The following SESN1 variants were observed in gnomAD, a reference collection of about 807,000 sequenced individuals.
SESN1 encodes the protein sestrin-1.
Under a neutral mutation model 59.3 loss-of-function variants are expected in SESN1, and 30 were observed. The ratio of observed to expected loss-of-function variants is 0.51; its 90% CI spans 0.38 to 0.69. SESN1 has a LOEUF of 0.69. Ranked by LOEUF, SESN1 falls within the 30% of genes least tolerant of loss-of-function variation. SESN1 has a pLI of 0.00. For missense variants in SESN1, 566 were observed against 673.0 expected (o/e 0.84, Z 1.76); for synonymous variants, 197 against 219.9 (o/e 0.90, Z 0.92).
At chr6:108,996,075 C>T (rs1177969715) in intron 5 of SESN1, among the ~76,000 whole-genome samples, 1 of 152,160 alleles carries the variant, frequency 6.6e-6, no homozygotes, top group South Asian at 2.1e-4. Context: ...GCTCCCTTCC[C>T]AGACCAAACC....
At chr6:109,070,263 A>G (rs1780908507) in intron 1 of SESN1, among the ~76,000 whole-genome samples, 1 of 152,208 alleles carries the variant, frequency 6.6e-6, no homozygotes, top group Non-Finnish European at 1.5e-5. Flanking sequence ...TGAAGTCCAC[A>G]GGACTAGGGC....
chr6:109,026,222 A>T (rs1780090332), intron 1 of SESN1, among the ~76,000 whole-genome samples: 1 of 152,212 alleles, frequency 6.6e-6, no homozygotes, highest in Non-Finnish European at 1.5e-5. Context: ...AACACATTTT[A>T]AGAGACAAAA....
At chr6:109,013,594 T>C (rs1290462802) in intron 1 of SESN1, among the ~76,000 whole-genome samples, 1 of 152,230 alleles carries the variant, frequency 6.6e-6, no homozygotes, top group African/African-American at 2.4e-5. Flanking sequence ...TAATCATACT[T>C]TTATGGACCA....
chr6:109,077,503 T>C (rs927775989), intron 1 of SESN1, among the ~76,000 whole-genome samples: 4 of 152,196 alleles, frequency 2.6e-5, no homozygotes, highest in African/African-American at 9.6e-5. Context: ...CAGATAGTTG[T>C]GTAAACTCAT....
rs762678191 is a variant in SESN1 at position 109,094,209 on chromosome 6, C to T, written c.-136G>A. ...GTCATGAAAACACACATCTGGGTGA[C>T]ATTTGGAACCACTGGTGCCTTCAGC... On this transcript the variant is annotated 5_prime_UTR_variant, in exon 1 of 10. The change abolishes an upstream ATG in the 5' untranslated region. Transcript: ENST00000436639. 32 of 955,116 alleles carry T rather than the reference C, an allele frequency of 3.4e-5. No homozygotes were observed. The highest frequency in any genetic ancestry group is 4.6e-5 in the Non-Finnish European group (30 of 651,266). The allele number at this position is 955,116 out of a possible 1,614,324, so 59.2% of individuals were successfully genotyped here. A position where few individuals can be genotyped will look rare whatever the true frequency, so the allele number is the denominator to read the frequency against.
intron 1 of SESN1, among the ~76,000 whole-genome samples, chr6:109,060,242 T>G (rs543439245): frequency 1.3e-5 from 2 of 152,208 alleles, no homozygotes; most frequent in East Asian, 3.8e-4. Context: ...CTAGAATAGA[T>G]TCTAAAAAAT....
intron 1 of SESN1, among the ~76,000 whole-genome samples, chr6:109,005,190 T>C (rs1327852955): frequency 6.6e-6 from 1 of 152,202 alleles, no homozygotes; most frequent in African/African-American, 2.4e-5. Context: ...TAGAAGGCTG[T>C]TTCAATAAAG....
chr6:109,093,766 A>G, intron 1 of SESN1, 29 bp downstream of exon 1: 1 of 1,601,858 alleles, frequency 6.2e-7, no homozygotes, highest in Non-Finnish European at 8.5e-7. Context: ...TAGTAGAGAC[A>G]TAGTTGTATT....
intron 4 of SESN1, chr6:109,000,083 G>C (rs930461776): frequency 6.5e-6 from 1 of 153,232 alleles, no homozygotes; most frequent in Non-Finnish European, 1.5e-5. Flanking sequence ...TTCTGGAAAA[G>C]GCAAAACTAT....
intron 2 of SESN1, 81 bp from the exon 3 acceptor site, chr6:109,001,569 AG>A: frequency 8.4e-7 from 1 of 1,196,054 alleles, no homozygotes; most frequent in African/African-American, 1.5e-5. Context: ...CTACACTCTA[AG>A]TATCATTTAG....
chr6:109,065,082 C>T (rs544615886), intron 1 of SESN1, among the ~76,000 whole-genome samples: 1 of 152,128 alleles, frequency 6.6e-6, no homozygotes, highest in African/African-American at 2.4e-5. Context: ...CACTTATTTC[C>T]AATCCCTCTC....
At chr6:109,000,112 T>C (rs1562455581) in intron 4 of SESN1, 1 of 154,766 alleles carries the variant, frequency 6.5e-6, no homozygotes, top group South Asian at 2.1e-4. Context: ...AATAAAAAGA[T>C]GAGTGGTTGC....
rs373238799 is a variant in SESN1 at position 109,059,096 on chromosome 6, TACAC to T, written c.279+34695_279+34698del. 1.3e-4 allele frequency among the ~76,000 whole-genome samples: 20 copies of T among 149,812 alleles called. No homozygotes were observed. In the East Asian group the frequency reaches 1.4e-3, roughly 10 times the overall value. Reference sequence around the variant, plus strand: ...ATGTAACTCCATATATATCACTTCATACACACACACACACACACACATAATTTAC... The same window carrying T: ...ATGTAACTCCATATATATCACTTCATACACACACACACACACATAATTTAC... On this transcript the variant is annotated intron_variant, in intron 1 of 9. Transcript: ENST00000436639.
Position 108,987,506 on chromosome 6 carries a change from C to A in SESN1, c.*38G>T. 1 of 1,167,002 alleles carries A rather than the reference C, an allele frequency of 8.6e-7. No individual in the cohort carries two copies. The allele number at this position is 1,167,002 out of a possible 1,614,324, so 72.3% of individuals were successfully genotyped here. On this transcript the variant is annotated 3_prime_UTR_variant, in exon 10 of 10. Transcript: ENST00000436639. ...CCTTCCCCCTTGTAGACTATATCTG[C>A]TGATCATTCCAGAATCATCTTTAAT...
At chr6:109,004,568 C>T (rs998114992) in intron 1 of SESN1, among the ~76,000 whole-genome samples, 1 of 151,788 alleles carries the variant, frequency 6.6e-6, no homozygotes, top group Non-Finnish European at 1.5e-5. Context: ...GTAGCTAGGA[C>T]CACAGGCGTG....
At chr6:108,994,828 G>A (rs1057160221) in intron 5 of SESN1, among the ~76,000 whole-genome samples, 12 of 149,604 alleles carry the variant, frequency 8.0e-5, no homozygotes, top group African/African-American at 3.0e-4. Flanking sequence ...TCGGCCTCCC[G>A]AGTAGCTGGG....
At chr6:109,015,076 A>G (rs1400005835) in intron 1 of SESN1, among the ~76,000 whole-genome samples, 1 of 152,164 alleles carries the variant, frequency 6.6e-6, no homozygotes. Flanking sequence ...CCATTAAAAA[A>G]TTGTTTAAGC....
chr6:109,008,454 T>G (rs559244653), intron 1 of SESN1, among the ~76,000 whole-genome samples: 9 of 152,350 alleles, frequency 5.9e-5, no homozygotes, highest in African/African-American at 2.2e-4. Context: ...AAAAAAATAT[T>G]TGGTGCTTTA....
At chr6:109,042,454 C>G (rs1287109876) in intron 1 of SESN1, among the ~76,000 whole-genome samples, 1 of 150,874 alleles carries the variant, frequency 6.6e-6, no homozygotes, top group African/African-American at 2.4e-5. Context: ...TGAAAAACCT[C>G]TAGCAAGACT....
Sources: allele counts gnomAD v4.1 joint callset (sites outside exome capture counted in the v4.1 genomes callset), GRCh38; gene constraint gnomAD v4.1.1; transcripts MANE v1.5; gene names NCBI Gene and HGNC (gene_info 2026-07-23, HGNC 2026-07-21).